GCLC: variants seen among roughly 807,000 people sequenced by gnomAD.
The protein encoded by GCLC is glutamate--cysteine ligase catalytic subunit.
GCLC carries 30 observed loss-of-function variants against 81.5 expected under a neutral mutation model. The ratio of observed to expected loss-of-function variants is 0.37; its 90% CI spans 0.28 to 0.50. The LOEUF (loss-of-function observed/expected upper bound fraction) is 0.50. Among genes scored for constraint, GCLC ranks in the 20% least tolerant of loss-of-function variants. The pLI is 0.96. For missense variants in GCLC, 556 were observed against 777.4 expected (o/e 0.72, Z 3.39); for synonymous variants, 262 against 273.3 (o/e 0.96, Z 0.41).
At position 53,544,567 on chromosome 6, in the gene GCLC, T is replaced by A. The variant is rs1212502139; in HGVS notation, c.79A>T (p.Ile27Phe). 6.2e-7 allele frequency: 1 copy of A among 1,607,484 alleles called. No individual in the cohort carries two copies. The highest frequency in any genetic ancestry group is 8.5e-7 in the Non-Finnish European group (1 of 1,179,594). Residue 27 changes from isoleucine to phenylalanine, a missense_variant, in exon 1 of 16, where the codon ATC becomes TTC. Around this residue, in one of 3 missense-constraint regions of GCLC, gnomAD observed 234 missense variants for 303.8 expected, o/e 0.77. Transcript: ENST00000650454. ...RHADHVRRHG[I>F]LQFLHIYHAV... ...TGGTAGATGTGCAGGAACTGGAGGA[T>A]CCCGTGCCGCCGCACGTGGTCGGCA...
intron 3 of GCLC, 100 bp downstream of exon 3, chr6:53,520,678 G>C: frequency 2.1e-6 from 2 of 930,902 alleles, no homozygotes; most frequent in Non-Finnish European, 3.6e-6. Context: ...CATCTGTAAC[G>C]TATGAGGATT....
chr6:53,533,359 T>G (rs116673634), intron 1 of GCLC, among the ~76,000 whole-genome samples: 5,430 of 152,300 alleles, frequency 0.036, 161 homozygotes, highest in Middle Eastern at 0.085. Context: ...TTCAGATATG[T>G]TGTTGCCAGA....
chr6:53,544,531 C>T lies in GCLC; in HGVS notation c.115G>A (p.Asp39Asn), dbSNP rs1183322800. 6 of 1,609,036 alleles carry T rather than the reference C, an allele frequency of 3.7e-6. No individual in the cohort carries two copies. The highest frequency in any genetic ancestry group is 5.1e-6 in the Non-Finnish European group (6 of 1,179,648). The change falls in exon 1 of 16, where the codon GAC (aspartate) becomes AAC (asparagine). Residue 39 changes from aspartate to asparagine, a missense_variant. Physicochemically the swap from Asp to Asn is conservative, Grantham distance 23. Around this residue, in one of 3 missense-constraint regions of GCLC, gnomAD observed 234 missense variants for 303.8 expected, o/e 0.77. Transcript: ENST00000650454. ...QFLHIYHAVK[D>N]RHKDVLKWGD... ...CACTTGAGAACGTCCTTGTGCCGGTCCTTGACGGCGTGGTAGATGTGCAGG... is the reference window on the plus strand; with the variant it reads ...CACTTGAGAACGTCCTTGTGCCGGTTCTTGACGGCGTGGTAGATGTGCAGG...
chr6:53,520,098 T>G (rs371839861), intron 3 of GCLC, among the ~76,000 whole-genome samples: 1 of 152,216 alleles, frequency 6.6e-6, no homozygotes, highest in Non-Finnish European at 1.5e-5. Context: ...TTGGCAGAAA[T>G]GTATTTTTAC....
At chr6:53,518,154 A>G (rs927034475) in intron 3 of GCLC, among the ~76,000 whole-genome samples, 13 of 152,322 alleles carry the variant, frequency 8.5e-5, no homozygotes, top group Admixed American at 7.8e-4. Flanking sequence ...AATTATACAT[A>G]TAATTTTTTC....
At position 53,506,813 on chromosome 6, in the gene GCLC, TC is replaced by T; in HGVS notation, c.1197+99del. On this transcript the variant is annotated intron_variant, in intron 10 of 15. Transcript: ENST00000650454. This position sits in a 1 kb window ranked among gnomAD's most constrained non-coding sequence, Gnocchi z 4.0. ...TTCTCCACAGGTACAGAAAACTGCC[TC>T]CCCATGTTGGTTTGTGAAGTGAAAT... 1.4e-6 allele frequency: 1 copy of T among 726,330 alleles called. No homozygotes were observed. The highest frequency in any genetic ancestry group is 2.5e-6 in the Non-Finnish European group (1 of 398,446). 45.0% of individuals were successfully genotyped at this position (726,330 alleles called of 1,614,324 possible). A position where few individuals can be genotyped will look rare whatever the true frequency, so the allele number is the denominator to read the frequency against.
intron 8 of GCLC, 139 bp downstream of exon 8, chr6:53,508,456 T>C: frequency 2.7e-6 from 2 of 730,160 alleles, no homozygotes; most frequent in Non-Finnish European, 5.0e-6. Context: ...CGATAAAAAT[T>C]AACTCCCCAC....
chr6:53,501,284 C>A, intron 12 of GCLC: 1 of 153,698 alleles, frequency 6.5e-6, no homozygotes, highest in Non-Finnish European at 1.4e-5. Flanking sequence ...TTTTGCCTCC[C>A]CACTTTAGTG....
intron 1 of GCLC, among the ~76,000 whole-genome samples, chr6:53,542,179 G>A (rs1187972629): frequency 6.6e-6 from 1 of 152,158 alleles, no homozygotes; most frequent in Non-Finnish European, 1.5e-5. Flanking sequence ...CAATACCAAA[G>A]TCTAATTCTC....
rs76759966 is a variant in GCLC, at chr6:53,541,917, G to T, written c.150+2579C>A. Among the ~76,000 whole-genome samples the T allele has an allele frequency of 1.2e-4, 18 of 152,310 alleles. No individual in the cohort carries two copies. In the East Asian group the frequency reaches 3.5e-3, roughly 29 times the overall value. ...TAGGGTCTCACTGTCACCCAGACTA[G>T]AGTGCAGTTGAACAATCACGGCTCA... On this transcript the variant is annotated intron_variant, in intron 1 of 15. Transcript: ENST00000650454.
At chr6:53,502,387 G>A (rs1173269288) in intron 12 of GCLC, among the ~76,000 whole-genome samples, 2 of 152,162 alleles carry the variant, frequency 1.3e-5, no homozygotes, top group African/African-American at 4.8e-5. Context: ...GGGAAACTGA[G>A]GCACTGAGAA....
intron 1 of GCLC, among the ~76,000 whole-genome samples, chr6:53,528,872 C>A (rs113469519): frequency 6.6e-6 from 1 of 152,064 alleles, no homozygotes; most frequent in Non-Finnish European, 1.5e-5. Context: ...TCTTAACTTG[C>A]CTAGATTAGT....
At chr6:53,500,866 T>C (rs1764497730) in intron 12 of GCLC, 1 of 360,700 alleles carries the variant, frequency 2.8e-6, no homozygotes, top group South Asian at 2.4e-5. Context: ...TAGCAGTGTC[T>C]CACCAGGAGT....
intron 2 of GCLC, among the ~76,000 whole-genome samples, chr6:53,521,745 G>A (rs900813787): frequency 2.6e-5 from 4 of 152,046 alleles, no homozygotes; most frequent in Admixed American, 1.3e-4. Context: ...AGGCTGAGGC[G>A]GGCAGATCAT....
Position 53,512,439 on chromosome 6 carries a change from T to A in GCLC, c.753+1765A>T, listed in dbSNP as rs1381929685. 2.6e-5 allele frequency among the ~76,000 whole-genome samples: 4 copies of A among 152,112 alleles called. No individual in the cohort carries two copies. The East Asian group carries it at 7.7e-4, about 29-fold the overall frequency. On this transcript the variant is annotated intron_variant, in intron 6 of 15. Transcript: ENST00000650454. ...TCTCTCTAATGATACATAATAGATG[T>A]ACACAGTTTCAGGGCACATGTGATA...
At chr6:53,501,826 A>G (rs1764519471) in intron 12 of GCLC, among the ~76,000 whole-genome samples, 2 of 152,124 alleles carry the variant, frequency 1.3e-5, no homozygotes, top group Admixed American at 1.3e-4. Context: ...CATAACGACC[A>G]CTTATAATTT....
chr6:53,528,051 A>T (rs17882768), intron 1 of GCLC, among the ~76,000 whole-genome samples: 5,482 of 152,260 alleles, frequency 0.036, 169 homozygotes, highest in Middle Eastern at 0.085. Context: ...ATTTTTTTTT[A>T]AAAGAAATCT....
chr6:53,500,262 G>A lies in GCLC; in HGVS notation c.1566C>T (p.Thr522=). The change falls in exon 14 of 16, where the codon ACC becomes ACT. Residue 522 remains threonine, a synonymous_variant. Coordinates refer to ENST00000650454, the MANE Select transcript of GCLC (RefSeq NM_001498.4). ...ACCCTCCTACCTTCCCATTGATGATGGTGTCTATGCTCATGAGGGTGTACT... is the reference window on the plus strand; with the variant it reads ...ACCCTCCTACCTTCCCATTGATGATAGTGTCTATGCTCATGAGGGTGTACT... ...AEEYTLMSID[T]IINGKEGVFP... The A allele has an allele frequency of 6.2e-7, 1 of 1,613,880 alleles. No individual in the cohort carries two copies. The highest frequency in any genetic ancestry group is 8.5e-7 in the Non-Finnish European group (1 of 1,179,784).
intron 3 of GCLC, among the ~76,000 whole-genome samples, chr6:53,517,254 T>A (rs1035591990): frequency 1.1e-5 from 1 of 88,574 alleles, no homozygotes; most frequent in African/African-American, 4.4e-5. Context: ...ACCAAGTTTT[T>A]TTTTTTTTTT....
Sources: allele counts gnomAD v4.1 joint callset (sites outside exome capture counted in the v4.1 genomes callset), GRCh38; gene constraint gnomAD v4.1.1; regional missense constraint gnomAD v4.1.1; non-coding constraint Gnocchi (gnomAD v3.1); transcripts MANE v1.5; gene names NCBI Gene and HGNC (gene_info 2026-07-23, HGNC 2026-07-21).